The following CADM2 variants were observed in gnomAD, a reference collection of about 807,000 sequenced individuals.
The protein encoded by CADM2 is cell adhesion molecule 2, also known as immunoglobulin superfamily member 4D.
CADM2 carries 12 observed loss-of-function variants against 49.8 expected under a neutral mutation model. The ratio of observed to expected loss-of-function variants is 0.24; its 90% CI spans 0.15 to 0.39. CADM2 has a LOEUF of 0.39. Among genes scored for constraint, CADM2 ranks in the 10% least tolerant of loss-of-function variants. CADM2 has a pLI of 1.00. For missense variants in CADM2, 378 were observed against 492.3 expected, an observed-to-expected ratio of 0.77 and a Z score of 2.20; for synonymous variants, 214 against 175.4, an observed-to-expected ratio of 1.22 and a Z score of -1.74.
intron 1 of CADM2, among the ~76,000 whole-genome samples, chr3:85,589,633 A>C (rs748770620): frequency 6.6e-6 from 1 of 152,042 alleles, no homozygotes; most frequent in Non-Finnish European, 1.5e-5. Context: ...GAACAAATAA[A>C]TATTTTTAGT....
intron 1 of CADM2, among the ~76,000 whole-genome samples, chr3:85,247,120 A>T (rs2107849670): frequency 6.6e-6 from 1 of 152,208 alleles, no homozygotes; most frequent in East Asian, 1.9e-4. Flanking sequence ...ATATAATAAA[A>T]TAAATGTCAT....
intron 1 of CADM2, among the ~76,000 whole-genome samples, chr3:85,408,010 C>CAAAAAAAAAAAAAAAAAAAACAA (rs372349246): frequency 1.8e-5 from 1 of 56,184 alleles, no homozygotes; most frequent in African/African-American, 6.2e-5. Flanking sequence ...AAAACAAAAC[C>CAAAAAAAAAAAAAAAAAAAACAA]AAAAAAAAAA....
chr3:84,984,266 T>C (rs558232079), intron 1 of CADM2, among the ~76,000 whole-genome samples: 43 of 149,888 alleles, frequency 2.9e-4, no homozygotes, highest in African/African-American at 1.1e-3. Flanking sequence ...ACTCATTAGC[T>C]TTTCCAGTCA....
chr3:84,975,947 A>T (rs1050811309), intron 1 of CADM2, among the ~76,000 whole-genome samples: 1 of 152,056 alleles, frequency 6.6e-6, no homozygotes, highest in South Asian at 2.1e-4. Context: ...TCTGCTTAAA[A>T]GAACTGGGAT....
chr3:85,744,212 T>C (rs1013494203), intron 2 of CADM2, among the ~76,000 whole-genome samples: 3 of 152,010 alleles, frequency 2.0e-5, no homozygotes, highest in Admixed American at 1.3e-4. Flanking sequence ...CTAGGAAAGG[T>C]AGTGGGGGAT....
chr3:85,968,466 T>A (rs1725727984), intron 8 of CADM2, among the ~76,000 whole-genome samples: 1 of 151,648 alleles, frequency 6.6e-6, no homozygotes, highest in Non-Finnish European at 1.5e-5. Flanking sequence ...GAGTAAAAAT[T>A]CTGTTGAGAG....
intron 1 of CADM2, among the ~76,000 whole-genome samples, chr3:85,369,274 T>C (rs1164541356): frequency 6.6e-6 from 1 of 152,184 alleles, no homozygotes; most frequent in African/African-American, 2.4e-5. Context: ...GCACACACAA[T>C]CATGCATCAC....
At chr3:85,416,251 C>G (rs1200386363) in intron 1 of CADM2, among the ~76,000 whole-genome samples, 1 of 152,028 alleles carries the variant, frequency 6.6e-6, no homozygotes, top group Non-Finnish European at 1.5e-5. Flanking sequence ...ACAGTAAGGA[C>G]TGATATATTT....
At chr3:85,593,190 A>G (rs949013299) in intron 1 of CADM2, among the ~76,000 whole-genome samples, 1 of 151,270 alleles carries the variant, frequency 6.6e-6, no homozygotes, top group African/African-American at 2.4e-5. Context: ...ATTTTATTTT[A>G]TTATACTTTA....
chr3:85,521,928 G>A (rs978585304), intron 1 of CADM2, among the ~76,000 whole-genome samples: 9 of 152,184 alleles, frequency 5.9e-5, no homozygotes, highest in Non-Finnish European at 1.2e-4. Context: ...CCTCAGAAAT[G>A]AGAGTCCAGA....
intron 1 of CADM2, among the ~76,000 whole-genome samples, chr3:85,656,839 T>C (rs1449288452): frequency 2.6e-5 from 4 of 152,172 alleles, no homozygotes; most frequent in Non-Finnish European, 5.9e-5. Flanking sequence ...GGATTTTCAA[T>C]GAATCCCCAT....
At chr3:86,036,285 A>C (rs1268362883) in intron 8 of CADM2, among the ~76,000 whole-genome samples, 1 of 152,116 alleles carries the variant, frequency 6.6e-6, no homozygotes, top group Non-Finnish European at 1.5e-5. Flanking sequence ...TCTCTGCAGA[A>C]TCTATTGGTT....
Position 85,568,448 on chromosome 3 carries a change from T to TTTCTTTCA in CADM2, c.62-158067_62-158066insATTCTTTC, listed in dbSNP as rs1559915879. On this transcript the variant is annotated intron_variant, in intron 1 of 9. Coordinates refer to ENST00000383699, the MANE Select transcript of CADM2 (RefSeq NM_001167675.2). Reference sequence around the variant, plus strand: ...CTTTCTTTCTTTCTTTCTTTCTTTCTTTCTTTCTTTCTTTCTCTTTCTCTC... The same window carrying TTTCTTTCA: ...CTTTCTTTCTTTCTTTCTTTCTTTCTTTCTTTCATTCTTTCTTTCTTTCTCTTTCTCTC... Among the ~76,000 whole-genome samples, 41 of 34,578 alleles carry TTTCTTTCA rather than the reference T, an allele frequency of 1.2e-3. 4 individuals carry two copies. Among genetic ancestry groups the TTTCTTTCA allele is most frequent in the Middle Eastern group, 0.012 (1 of 82 alleles). 22.7% of individuals were successfully genotyped at this position (34,578 alleles called of 152,430 possible).
At chr3:85,540,966 C>T (rs1486860096) in intron 1 of CADM2, among the ~76,000 whole-genome samples, 2 of 152,030 alleles carry the variant, frequency 1.3e-5, no homozygotes, top group African/African-American at 4.8e-5. Flanking sequence ...CAGGGTCCCA[C>T]CTTTCTTTTT....
intron 2 of CADM2, among the ~76,000 whole-genome samples, chr3:85,781,343 T>C (rs1577297933): frequency 6.6e-6 from 1 of 152,322 alleles, no homozygotes; most frequent in Admixed American, 6.5e-5. Flanking sequence ...TTTGTCATTA[T>C]CTGATATGAA....
At chr3:85,792,734 G>A (rs1471768601) in intron 2 of CADM2, among the ~76,000 whole-genome samples, 1 of 152,218 alleles carries the variant, frequency 6.6e-6, no homozygotes, top group Non-Finnish European at 1.5e-5. Context: ...GAGATAGCAA[G>A]GCTTGAATGA....
Position 85,192,102 on chromosome 3 carries a change from TA to T in CADM2, c.61+232444del, listed in dbSNP as rs547301494. 7.5e-3 allele frequency among the ~76,000 whole-genome samples: 1,101 copies of T among 147,224 alleles called. 15 individuals are homozygous for T. The highest frequency in any genetic ancestry group is 0.025 in the African/African-American group (995 of 40,204). On this transcript the variant is annotated intron_variant, in intron 1 of 9. Transcript: ENST00000383699. ...ACAACTTATAATAAATCATTCATAG[TA>T]AAAAAAAAAGACATCAAATTGTCTA...
intron 1 of CADM2, among the ~76,000 whole-genome samples, chr3:85,012,925 T>C (rs2034064218): frequency 6.6e-6 from 1 of 151,802 alleles, no homozygotes; most frequent in Non-Finnish European, 1.5e-5. Context: ...CTGTTTTCCA[T>C]TGATGTTTTA....
At chr3:85,935,924 T>G in intron 7 of CADM2, 67 bp downstream of exon 7, 1 of 861,644 alleles carries the variant, frequency 1.2e-6, no homozygotes, top group Non-Finnish European at 1.9e-6. Context: ...ATTACAGCCT[T>G]TAACTGTAGA....
Sources: allele counts gnomAD v4.1 joint callset (sites outside exome capture counted in the v4.1 genomes callset), GRCh38; gene constraint gnomAD v4.1.1; transcripts MANE v1.5; gene names NCBI Gene and HGNC (gene_info 2026-07-23, HGNC 2026-07-21).